ARID1B: variants seen among roughly 807,000 people sequenced by gnomAD.
ARID1B encodes the protein AT-rich interaction domain 1B, also known as AT-rich interactive domain-containing protein 1B.
ARID1B carries 30 observed loss-of-function variants against 212.3 expected under a neutral mutation model. That is an observed-to-expected ratio of 0.14 (90% CI 0.11 to 0.19). ARID1B has a LOEUF of 0.19. ARID1B is among the 10% of genes least tolerant of loss of function. ARID1B has a pLI of 1.00. For missense variants in ARID1B, 2,891 were observed against 3,204.0 expected (o/e 0.90, Z 2.36); for synonymous variants, 1,402 against 1,301.7 (o/e 1.08, Z -1.66).
intron 1 of ARID1B, among the ~76,000 whole-genome samples, chr6:156,781,975 CTTTTTTTTTTTTTTT>C (rs57443841): frequency 2.3e-4 from 9 of 39,206 alleles, no homozygotes; most frequent in East Asian, 8.7e-4. Context: ...TGGGAATAGG[CTTTTTTTTTTTTTTT>C]TTTTTTTTTT....
At chr6:157,005,858 A>T (rs1779221272) in intron 4 of ARID1B, among the ~76,000 whole-genome samples, 1 of 151,740 alleles carries the variant, frequency 6.6e-6, no homozygotes, top group African/African-American at 2.4e-5. Flanking sequence ...AACTCCCTGA[A>T]CTTAAAACTC....
At chr6:156,993,149 C>A (rs910236992) in intron 4 of ARID1B, among the ~76,000 whole-genome samples, 54 of 150,122 alleles carry the variant, frequency 3.6e-4, no homozygotes, top group Admixed American at 3.3e-3. Context: ...TCAAGCGATT[C>A]TCCTGCCTCA....
At position 157,209,629 on chromosome 6, in the gene ARID1B, A is replaced by G. The variant is rs1047836258; in HGVS notation, c.*1738A>G. On this transcript the variant is annotated 3_prime_UTR_variant, in exon 20 of 20. Transcript: ENST00000636930. ...TCTTAGTTTAATCAAAGTTCAATCTATTCCTTGTTTCTTCTGTGTGCCTCA... is the reference window on the plus strand; with the variant it reads ...TCTTAGTTTAATCAAAGTTCAATCTGTTCCTTGTTTCTTCTGTGTGCCTCA... 8.6e-6 allele frequency: 2 copies of G among 233,024 alleles called. No homozygotes were observed. Among genetic ancestry groups the G allele is most frequent in the Non-Finnish European group, 1.7e-5 (2 of 118,008 alleles). The allele number at this position is 233,024 out of a possible 1,614,324, so 14.4% of individuals were successfully genotyped here.
Position 156,779,291 on chromosome 6 carries a change from G to C in ARID1B, c.1611G>C (p.Gln537His). 1 of 1,146,108 alleles carries C rather than the reference G, an allele frequency of 8.7e-7. No homozygotes were observed. 71.0% of individuals were successfully genotyped at this position (1,146,108 alleles called of 1,614,324 possible). A position where few individuals can be genotyped will look rare whatever the true frequency, so the allele number is the denominator to read the frequency against. ...SAPPPPPSQP[Q>H]SQAAAAGAAA... ...CGCCGCCGCCGCCGTCGCAGCCCCA[G>C]TCCCAGGCGGCGGCGGCGGGGGCGG... The change falls in exon 1 of 20, where the codon CAG (glutamine) becomes CAC (histidine). Residue 537 changes from glutamine to histidine, a missense_variant. Physicochemically the swap from Gln to His is conservative, Grantham distance 24. Around this residue, in one of 7 missense-constraint regions of ARID1B, gnomAD observed 1,643 missense variants for 1,544.0 expected, o/e 1.06. Coordinates refer to ENST00000636930, the MANE Select transcript of ARID1B (RefSeq NM_001374828.1).
intron 4 of ARID1B, among the ~76,000 whole-genome samples, chr6:157,037,967 T>A (rs1232550881): frequency 2.6e-5 from 4 of 152,224 alleles, no homozygotes; most frequent in African/African-American, 9.6e-5. Flanking sequence ...GAATTACAGA[T>A]TTTTAAAAAT....
intron 4 of ARID1B, among the ~76,000 whole-genome samples, chr6:156,956,007 C>T (rs781097569): frequency 6.6e-6 from 1 of 152,126 alleles, no homozygotes; most frequent in Non-Finnish European, 1.5e-5. Flanking sequence ...GCTTGACAGC[C>T]GTCCAGGACT....
chr6:156,793,408 G>T (rs909979993), intron 1 of ARID1B, among the ~76,000 whole-genome samples: 2 of 152,128 alleles, frequency 1.3e-5, no homozygotes, highest in African/African-American at 4.8e-5. Flanking sequence ...GGGCAGCGGT[G>T]AGGTCATGGC....
chr6:157,192,617 G>A (rs1263947441), intron 15 of ARID1B, among the ~76,000 whole-genome samples: 1 of 152,132 alleles, frequency 6.6e-6, no homozygotes. Flanking sequence ...AATGCCTGTC[G>A]CTTTCACACC....
intron 3 of ARID1B, among the ~76,000 whole-genome samples, chr6:156,932,535 G>A (rs988200505): frequency 6.6e-6 from 1 of 152,146 alleles, no homozygotes; most frequent in Admixed American, 6.5e-5. Flanking sequence ...AAAGTGTAAA[G>A]CTGTGCTTCT....
At chr6:157,180,331 C>T (rs113707146) in intron 11 of ARID1B, among the ~76,000 whole-genome samples, 8,732 of 149,998 alleles carry the variant, frequency 0.058, 794 homozygotes, top group African/African-American at 0.2. Flanking sequence ...TATGTTTATC[C>T]ATAAATCCCA....
chr6:157,004,904 T>TTTTTTG (rs1779138750), intron 4 of ARID1B, among the ~76,000 whole-genome samples: 1 of 32,098 alleles, frequency 3.1e-5, no homozygotes, highest in South Asian at 1.1e-3. Context: ...TTTCTTTTTT[T>TTTTTTG]TTTTTTTTTT....
At chr6:156,958,715 C>T (rs566380858) in intron 4 of ARID1B, among the ~76,000 whole-genome samples, 15 of 152,110 alleles carry the variant, frequency 9.9e-5, no homozygotes, top group East Asian at 9.6e-4. Context: ...GTGAAATAAT[C>T]GTCTTCCTCC....
intron 4 of ARID1B, among the ~76,000 whole-genome samples, chr6:157,045,913 G>A (rs546440140): frequency 5.6e-4 from 85 of 152,248 alleles, no homozygotes; most frequent in African/African-American, 2.0e-3. Flanking sequence ...GGGGTGTGGG[G>A]AGAGGAATCT....
At chr6:157,080,836 T>C (rs1784590275) in intron 4 of ARID1B, among the ~76,000 whole-genome samples, 1 of 152,218 alleles carries the variant, frequency 6.6e-6, no homozygotes, top group Admixed American at 6.5e-5. Context: ...AATTAAGTTT[T>C]AAAGCTAAAC....
chr6:157,186,246 C>A, intron 13 of ARID1B: 1 of 341,712 alleles, frequency 2.9e-6, no homozygotes. Context: ...AACAGCCAGC[C>A]GTTCCCTTTT....
chr6:156,786,014 T>G (rs1452349771), intron 1 of ARID1B, among the ~76,000 whole-genome samples: 1 of 152,216 alleles, frequency 6.6e-6, no homozygotes, highest in African/African-American at 2.4e-5. Flanking sequence ...TTCTAAAGTT[T>G]AAAGGTTGAG....
At chr6:157,038,303 T>C (rs1221776642) in intron 4 of ARID1B, among the ~76,000 whole-genome samples, 2 of 152,192 alleles carry the variant, frequency 1.3e-5, no homozygotes, top group Admixed American at 1.3e-4. Flanking sequence ...GACTCCTCCA[T>C]GTGCTACATC....
chr6:156,932,723 A>G (rs1339541955), intron 3 of ARID1B, among the ~76,000 whole-genome samples: 1 of 152,242 alleles, frequency 6.6e-6, no homozygotes, highest in Non-Finnish European at 1.5e-5. Flanking sequence ...TTATTAAAAC[A>G]GCCAAACAGA....
intron 4 of ARID1B, among the ~76,000 whole-genome samples, chr6:156,981,436 A>C (rs967472885): frequency 1.3e-5 from 2 of 152,222 alleles, no homozygotes; most frequent in Admixed American, 1.3e-4. Context: ...AAAATAGACA[A>C]AATTTAGGAA....
Sources: gnomAD v4.1 joint callset for allele counts (sites outside exome capture counted in the v4.1 genomes callset) on GRCh38, gnomAD v4.1.1 for gene constraint, gnomAD v4.1.1 regional missense constraint, MANE v1.5 for transcripts, NCBI Gene and HGNC (gene_info 2026-07-23, HGNC 2026-07-21) for gene names.